Variants in CNTNAP2 observed in about 807,000 individuals in gnomAD.
CNTNAP2 encodes the protein contactin associated protein 2, also known as contactin-associated protein-like 2.
CNTNAP2 carries 98 observed loss-of-function variants against 155.2 expected under a neutral mutation model. That is an observed-to-expected ratio of 0.63 (90% confidence interval 0.54 to 0.75). CNTNAP2 has a LOEUF of 0.75. Among genes scored for constraint, CNTNAP2 ranks in the 30% least tolerant of loss-of-function variants. The probability of loss-of-function intolerance (pLI) is 0.00; values close to 1 mark genes in which losing one functional copy is unlikely to be tolerated. For missense variants in CNTNAP2, 1,727 were observed against 1,688.1 expected, an observed-to-expected ratio of 1.02 and a Z score of -0.40; for synonymous variants, 651 against 631.2, an observed-to-expected ratio of 1.03 and a Z score of -0.47.
intron 21 of CNTNAP2, among the ~76,000 whole-genome samples, chr7:148,303,887 G>C (rs781406765): frequency 6.6e-6 from 1 of 152,200 alleles, no homozygotes; most frequent in Non-Finnish European, 1.5e-5. Context: ...AGTTGTCACT[G>C]GGTGGAATGT....
chr7:147,692,716 G>A (rs112318639), intron 13 of CNTNAP2, among the ~76,000 whole-genome samples: 1,602 of 152,078 alleles, frequency 0.011, 21 homozygotes, highest in African/African-American at 0.036. Context: ...TGTGTTTTAA[G>A]AGGGCTTTTT....
At chr7:146,735,217 C>G (rs992595982) in intron 1 of CNTNAP2, among the ~76,000 whole-genome samples, 5 of 152,094 alleles carry the variant, frequency 3.3e-5, no homozygotes, top group African/African-American at 1.2e-4. Flanking sequence ...GCCATTCTTA[C>G]CAGAAAACCA....
intron 18 of CNTNAP2, among the ~76,000 whole-genome samples, chr7:148,173,933 G>C (rs1246748765): frequency 6.6e-6 from 1 of 152,180 alleles, no homozygotes; most frequent in Non-Finnish European, 1.5e-5. Flanking sequence ...GGAGAGTTAG[G>C]TTAAACACAG....
intron 1 of CNTNAP2, among the ~76,000 whole-genome samples, chr7:146,607,390 C>T (rs907383637): frequency 7.9e-5 from 12 of 152,122 alleles, no homozygotes; most frequent in Admixed American, 6.5e-4. Context: ...ACTTCACACA[C>T]GAATGGGCAT....
chr7:146,628,602 A>T (rs1585014155), intron 1 of CNTNAP2, among the ~76,000 whole-genome samples: 1 of 152,284 alleles, frequency 6.6e-6, no homozygotes, highest in South Asian at 2.1e-4. Context: ...TAGTAAATAC[A>T]TACAATTTTA....
At chr7:147,494,223 A>T (rs1051547907) in intron 11 of CNTNAP2, among the ~76,000 whole-genome samples, 3 of 152,246 alleles carry the variant, frequency 2.0e-5, no homozygotes, top group African/African-American at 7.2e-5. Flanking sequence ...TTGGAAGGGG[A>T]TTTAAAGGCC....
At chr7:147,468,577 C>T (rs901937151) in intron 10 of CNTNAP2, among the ~76,000 whole-genome samples, 12 of 152,040 alleles carry the variant, frequency 7.9e-5, no homozygotes, top group African/African-American at 2.7e-4. Context: ...TTTAGTCAGA[C>T]GATTAGACTT....
chr7:147,137,872 C>T (rs1021566757), intron 8 of CNTNAP2, among the ~76,000 whole-genome samples: 13 of 118,560 alleles, frequency 1.1e-4, no homozygotes, highest in Middle Eastern at 4.5e-3. Flanking sequence ...TAGATAGATA[C>T]GTAGATAGAT....
intron 12 of CNTNAP2, among the ~76,000 whole-genome samples, chr7:147,583,935 C>T (rs999247316): frequency 7.9e-5 from 12 of 152,172 alleles, no homozygotes; most frequent in Non-Finnish European, 1.5e-4. Flanking sequence ...ACATGTGGCA[C>T]TTGTATCAAA....
In CNTNAP2 at chr7:148,347,801, C is replaced by T. The variant is rs374242185; in HGVS notation, c.3476-35848C>T. Among the ~76,000 whole-genome samples the T allele has an allele frequency of 1.2e-4, 18 of 152,146 alleles. No homozygotes were observed. In the South Asian group the frequency reaches 3.5e-3, roughly 30 times the overall value. On this transcript the variant is annotated intron_variant, in intron 21 of 23. Transcript: ENST00000361727. ...AACATGTCTGCTTGTTGGTGGTGGGCGATGGATACAAAGATACCCAGCCAG... is the reference window on the plus strand; with the variant it reads ...AACATGTCTGCTTGTTGGTGGTGGGTGATGGATACAAAGATACCCAGCCAG...
chr7:148,307,559 A>G lies in CNTNAP2; in HGVS notation c.3475+40433A>G, dbSNP rs142803157. 4.6e-5 allele frequency among the ~76,000 whole-genome samples: 7 copies of G among 152,294 alleles called. No individual in the cohort carries two copies. In the East Asian group the frequency reaches 1.4e-3, roughly 29 times the overall value. On this transcript the variant is annotated intron_variant, in intron 21 of 23. Transcript: ENST00000361727. ...TGTTCTTACACCTTCGTATATCTTA[A>G]CACTTCATTCCCCTTTTCACGGGCT...
intron 3 of CNTNAP2, among the ~76,000 whole-genome samples, chr7:146,883,645 C>T (rs1795598224): frequency 6.6e-6 from 1 of 152,090 alleles, no homozygotes; most frequent in Non-Finnish European, 1.5e-5. Context: ...ACAGCCAATA[C>T]ACACACATTA....
chr7:146,814,818 TTA>T, intron 2 of CNTNAP2, among the ~76,000 whole-genome samples: 1 of 152,148 alleles, frequency 6.6e-6, no homozygotes, highest in South Asian at 2.1e-4. Context: ...AAGACAAAAC[TTA>T]CAGTCATTTC....
intron 8 of CNTNAP2, among the ~76,000 whole-genome samples, chr7:147,235,350 G>C (rs1803777148): frequency 6.8e-6 from 1 of 148,000 alleles, no homozygotes; most frequent in Non-Finnish European, 1.5e-5. Context: ...TTTTTGGTGT[G>C]TGTGTGTGTG....
chr7:147,743,110 AC>A (rs1455710434), intron 13 of CNTNAP2, among the ~76,000 whole-genome samples: 3 of 152,222 alleles, frequency 2.0e-5, no homozygotes, highest in African/African-American at 7.2e-5. Flanking sequence ...TTTTAAACAT[AC>A]ACTAAGGTCA....
chr7:147,742,652 A>G (rs953936237), intron 13 of CNTNAP2, among the ~76,000 whole-genome samples: 3 of 152,218 alleles, frequency 2.0e-5, no homozygotes, highest in Admixed American at 2.0e-4. Context: ...CATGTAGAGT[A>G]GGATTCTGGA....
intron 2 of CNTNAP2, among the ~76,000 whole-genome samples, chr7:146,790,727 G>T (rs1232271707): frequency 1.3e-5 from 2 of 151,996 alleles, no homozygotes; most frequent in African/African-American, 4.8e-5. Context: ...CCGCCACCAC[G>T]CCTGGCTAAT....
At chr7:146,354,411 A>ATTTTTT (rs10641636) in intron 1 of CNTNAP2, among the ~76,000 whole-genome samples, 26 of 135,328 alleles carry the variant, frequency 1.9e-4, no homozygotes, top group African/African-American at 3.1e-4. Flanking sequence ...TCTTGTTAGT[A>ATTTTTT]TTTTTTTTTT....
intron 21 of CNTNAP2, among the ~76,000 whole-genome samples, chr7:148,354,267 G>A (rs1201066019): frequency 8.3e-6 from 1 of 120,874 alleles, no homozygotes; most frequent in African/African-American, 3.2e-5. Flanking sequence ...TAAATATTTT[G>A]TAGCATATCT....
Sources: gnomAD v4.1 joint callset for allele counts (sites outside exome capture counted in the v4.1 genomes callset) on GRCh38, gnomAD v4.1.1 for gene constraint, MANE v1.5 for transcripts, NCBI Gene and HGNC (gene_info 2026-07-23, HGNC 2026-07-21) for gene names.